TUNAR: variants seen among roughly 807,000 people sequenced by gnomAD.
TUNAR encodes the protein transmembrane neural differentiation associated intracellular calcium regulator.
chr14:95,910,491 C>A (rs1889496458), intron 2 of TUNAR, among the ~76,000 whole-genome samples: 1 of 152,150 alleles, frequency 6.6e-6, no homozygotes, highest in Admixed American at 6.5e-5. Context: ...AGCTACTGGC[C>A]CCATCATGAC....
chr14:95,901,146 A>C (rs1889346866), intron 2 of TUNAR, among the ~76,000 whole-genome samples: 1 of 152,238 alleles, frequency 6.6e-6, no homozygotes, highest in Non-Finnish European at 1.5e-5. Context: ...ACGGACAAGC[A>C]AGCAAGTGCT....
At chr14:95,905,313 G>A (rs1033742509) in intron 2 of TUNAR, among the ~76,000 whole-genome samples, 39 of 152,232 alleles carry the variant, frequency 2.6e-4, no homozygotes, top group African/African-American at 7.9e-4. Flanking sequence ...CCAGGATCCC[G>A]TTCCAGATCC....
chr14:95,886,206 C>T (rs1313856912), intron 2 of TUNAR, among the ~76,000 whole-genome samples: 4 of 152,178 alleles, frequency 2.6e-5, no homozygotes, highest in Admixed American at 1.3e-4. Context: ...CACATTTGCC[C>T]GCCAGCTTCC....
At chr14:95,882,893 TA>T (rs1254507047) in intron 2 of TUNAR, among the ~76,000 whole-genome samples, 40 of 152,266 alleles carry the variant, frequency 2.6e-4, no homozygotes, top group African/African-American at 9.6e-4. Context: ...ATAAGTCTTA[TA>T]TTTTTAAATA....
chr14:95,902,323 C>T (rs954570441), intron 2 of TUNAR, among the ~76,000 whole-genome samples: 1 of 152,108 alleles, frequency 6.6e-6, no homozygotes, highest in Admixed American at 6.5e-5. Context: ...ATGCTATTTC[C>T]AGGCTGGACG....
intron 2 of TUNAR, among the ~76,000 whole-genome samples, chr14:95,900,481 G>A (rs75052095): frequency 0.084 from 12,582 of 149,764 alleles, 656 homozygotes; most frequent in Non-Finnish European, 0.12. Flanking sequence ...AGGCTCACAA[G>A]TGCCAGGCCC....
chr14:95,890,076 G>A (rs563370398), intron 2 of TUNAR, among the ~76,000 whole-genome samples: 2 of 152,200 alleles, frequency 1.3e-5, no homozygotes, highest in South Asian at 4.1e-4. Context: ...CACAGGCGCA[G>A]TCACTGCACA....
rs897729366 is a variant in TUNAR at position 95,882,882 on chromosome 14, G to C, written c.12+5705G>C. On this transcript the variant is annotated intron_variant, in intron 2 of 2. Coordinates refer to ENST00000678517, the Ensembl canonical transcript of TUNAR. Reference sequence around the variant, plus strand: ...AGTCATTTTTTAAATGATCAATATTGATAAGTCTTATATTTTTAAATAAAG... The same window carrying C: ...AGTCATTTTTTAAATGATCAATATTCATAAGTCTTATATTTTTAAATAAAG... Among the ~76,000 whole-genome samples, 5 of 152,266 alleles carry C rather than the reference G, an allele frequency of 3.3e-5. No homozygotes were observed. In the East Asian group the frequency reaches 9.6e-4, roughly 29 times the overall value.
At chr14:95,885,905 G>T (rs1374216589) in intron 2 of TUNAR, among the ~76,000 whole-genome samples, 1 of 152,166 alleles carries the variant, frequency 6.6e-6, no homozygotes, top group South Asian at 2.1e-4. Flanking sequence ...TTCTCTGATT[G>T]CAGTGTCTCT....
chr14:95,891,244 G>C (rs552719751), intron 2 of TUNAR, among the ~76,000 whole-genome samples: 4 of 152,188 alleles, frequency 2.6e-5, no homozygotes, highest in African/African-American at 9.6e-5. Flanking sequence ...ACCTGCTCGG[G>C]GGTTTTCCCT....
chr14:95,913,826 A>G (rs1343158527), intron 2 of TUNAR, among the ~76,000 whole-genome samples: 1 of 151,994 alleles, frequency 6.6e-6, no homozygotes, highest in Non-Finnish European at 1.5e-5. Flanking sequence ...TCCGCCTCCC[A>G]GGTTCAAGCG....
rs940576372 is a variant in TUNAR at position 95,895,335 on chromosome 14, T to C, written c.12+18158T>C. Among the ~76,000 whole-genome samples, 6 of 151,766 alleles carry C rather than the reference T, an allele frequency of 4.0e-5. No individual in the cohort carries two copies. The highest frequency in any genetic ancestry group is 1.5e-4 in the African/African-American group (6 of 41,290). On this transcript the variant is annotated intron_variant, in intron 2 of 2. Transcript: ENST00000678517. This position sits in a 1 kb window ranked among gnomAD's most constrained non-coding sequence, Gnocchi z 4.5. The stretch of plus-strand genomic sequence containing the variant: ...AGATCTGCCTGCTGGTTTGATAGAG[T>C]GAGGGAAGTGTGGGGCCCTGTTTTA...
At chr14:95,920,374 G>A (rs186989451) in intron 2 of TUNAR, among the ~76,000 whole-genome samples, 1 of 152,208 alleles carries the variant, frequency 6.6e-6, no homozygotes, top group African/African-American at 2.4e-5. Context: ...TAAACTTTGT[G>A]CACTTTCCTG....
At chr14:95,923,100 A>G (rs548821693) in exon 3 of TUNAR, 13 of 397,142 alleles carry the variant, frequency 3.3e-5, no homozygotes, top group East Asian at 2.9e-4. Context: ...TGCACCTTCA[A>G]ACTTTACAAA....
intron 2 of TUNAR, among the ~76,000 whole-genome samples, chr14:95,894,838 C>T (rs577379900): frequency 2.0e-5 from 3 of 148,358 alleles, no homozygotes; most frequent in East Asian, 2.0e-4. Flanking sequence ...GGTGTAGATG[C>T]GGTTGCAGTG....
At chr14:95,923,790 T>C (rs1889738906) in exon 3 of TUNAR, 1 of 152,232 alleles carries the variant, frequency 6.6e-6, no homozygotes, top group South Asian at 2.1e-4. Flanking sequence ...CAGCCATGGT[T>C]TTGGGTGCAT....
chr14:95,882,735 CAG>C (rs950777787), intron 2 of TUNAR, among the ~76,000 whole-genome samples: 12 of 152,156 alleles, frequency 7.9e-5, no homozygotes, highest in African/African-American at 1.2e-4. Context: ...AAAGAGCAAA[CAG>C]AGAATGCCCA....
chr14:95,912,051 T>C (rs1219615015), intron 2 of TUNAR, among the ~76,000 whole-genome samples: 1 of 152,206 alleles, frequency 6.6e-6, no homozygotes, highest in Non-Finnish European at 1.5e-5. Flanking sequence ...GTTGTTCTTG[T>C]CACTTGGCTG....
intron 2 of TUNAR, among the ~76,000 whole-genome samples, chr14:95,880,626 A>G (rs531916896): frequency 1.3e-5 from 2 of 152,318 alleles, no homozygotes; most frequent in East Asian, 1.9e-4. Context: ...CCTGGAAGGT[A>G]AGGAAGGGGA....
Sources: gnomAD v4.1 joint callset for allele counts (sites outside exome capture counted in the v4.1 genomes callset) on GRCh38, gnomAD v4.1.1 for gene constraint, Gnocchi (gnomAD v3.1) non-coding constraint, MANE v1.5 for transcripts, NCBI Gene and HGNC (gene_info 2026-07-23, HGNC 2026-07-21) for gene names.